Variants in CNTN6 observed in about 807,000 individuals in gnomAD.
The protein encoded by CNTN6 is contactin-6.
A neutral mutation model predicts 122.8 loss-of-function variants in CNTN6; 137 were observed. That is an observed-to-expected ratio of 1.12 (90% CI 0.97 to 1.29). The LOEUF (loss-of-function observed/expected upper bound fraction) is 1.29, where lower values mean the gene tolerates loss of function less well. Ranked by LOEUF, CNTN6 falls within the 50% of genes most tolerant of loss-of-function variation. CNTN6 has a pLI of 0.00. For missense variants in CNTN6, 1,634 were observed against 1,223.4 expected, an observed-to-expected ratio of 1.34 and a Z score of -5.01; for synonymous variants, 570 against 426.0, an observed-to-expected ratio of 1.34 and a Z score of -4.16.
chr3:1,243,083 C>T (rs1458590081), intron 4 of CNTN6, among the ~76,000 whole-genome samples: 2 of 152,184 alleles, frequency 1.3e-5, no homozygotes, highest in Non-Finnish European at 2.9e-5. Flanking sequence ...AGCTGCTAAG[C>T]CGAGAAGATC....
intron 8 of CNTN6, among the ~76,000 whole-genome samples, chr3:1,324,164 G>C (rs1347825833): frequency 4.0e-5 from 6 of 149,470 alleles, no homozygotes; most frequent in Non-Finnish European, 7.4e-5. Flanking sequence ...GTAACTGGAA[G>C]TTGTCCTGAT....
Position 1,385,715 on chromosome 3 carries a change from C to CT in CNTN6, c.2623dup (p.Tyr875LeufsTer44). ...TCACGGGGCTGAAAGCTAATACCAT[C>CT]TACTTTGCTTCCGTAAGAGCTTACA... On this transcript the variant is annotated frameshift_variant, in exon 20 of 23. Coordinates refer to ENST00000446702, the MANE Select transcript of CNTN6 (RefSeq NM_001289080.2). LOFTEE classifies it high-confidence loss of function. 6.2e-7 allele frequency: 1 copy of CT among 1,614,114 alleles called. No homozygotes were observed. The highest frequency in any genetic ancestry group is 8.5e-7 in the Non-Finnish European group (1 of 1,179,948).
intron 20 of CNTN6, among the ~76,000 whole-genome samples, chr3:1,395,330 G>A (rs1694853170): frequency 6.6e-6 from 1 of 152,100 alleles, no homozygotes; most frequent in African/African-American, 2.4e-5. Context: ...AGTTAGACAG[G>A]GGTTTCACTG....
At chr3:1,373,846 A>G (rs1287523490) in intron 15 of CNTN6, 78 bp from the exon 16 acceptor site, 1 of 1,456,768 alleles carries the variant, frequency 6.9e-7, no homozygotes, top group Non-Finnish European at 9.1e-7. Flanking sequence ...ATTTTAAATT[A>G]ATAATTATAT....
intron 5 of CNTN6, among the ~76,000 whole-genome samples, chr3:1,292,284 G>A (rs1257068617): frequency 6.6e-6 from 1 of 152,086 alleles, no homozygotes; most frequent in Non-Finnish European, 1.5e-5. Flanking sequence ...TAAACAGACA[G>A]CTGTAATATG....
intron 4 of CNTN6, among the ~76,000 whole-genome samples, chr3:1,254,955 G>A (rs915541457): frequency 2.0e-5 from 3 of 152,028 alleles, no homozygotes; most frequent in Non-Finnish European, 4.4e-5. Context: ...TACATTGGTG[G>A]TCACATATGC....
rs772184163 is a variant in CNTN6, at chr3:1,352,309, G to A, written c.1365-15G>A. 1.3e-6 allele frequency: 2 copies of A among 1,496,292 alleles called. No homozygotes were observed. Among genetic ancestry groups the A allele is most frequent in the Non-Finnish European group, 1.8e-6 (2 of 1,115,846 alleles). The allele number at this position is 1,496,292 out of a possible 1,614,324, so 92.7% of individuals were successfully genotyped here. ...GAAGAGCCTTACTTCTATTAATGAT[G>A]TATTTTCTTTTTAGAATATTTCTCT... On this transcript the variant is annotated splice_polypyrimidine_tract_variant and intron_variant, in intron 11 of 22. Transcript: ENST00000446702.
At chr3:1,368,407 G>C (rs1708530803) in intron 12 of CNTN6, among the ~76,000 whole-genome samples, 1 of 152,136 alleles carries the variant, frequency 6.6e-6, no homozygotes, top group Non-Finnish European at 1.5e-5. Context: ...ATCAGCTCTA[G>C]ATATTTCAAC....
chr3:1,374,528 C>G (rs1439484723), intron 16 of CNTN6, among the ~76,000 whole-genome samples: 2 of 152,010 alleles, frequency 1.3e-5, no homozygotes, highest in African/African-American at 2.4e-5. Context: ...TTTTTCCATG[C>G]AAATGAGGTA....
intron 4 of CNTN6, among the ~76,000 whole-genome samples, chr3:1,250,137 TTA>T (rs2094640856): frequency 6.6e-6 from 1 of 152,190 alleles, no homozygotes; most frequent in South Asian, 2.1e-4. Flanking sequence ...TAATAAAAGC[TTA>T]TATGTGTCCA....
intron 4 of CNTN6, among the ~76,000 whole-genome samples, chr3:1,246,357 A>T (rs1033227665): frequency 6.6e-6 from 1 of 152,092 alleles, no homozygotes; most frequent in African/African-American, 2.4e-5. Context: ...AGATCCTTTT[A>T]TATTGTTGTA....
intron 8 of CNTN6, among the ~76,000 whole-genome samples, chr3:1,323,811 A>T (rs947570080): frequency 6.6e-6 from 1 of 151,794 alleles, no homozygotes; most frequent in Non-Finnish European, 1.5e-5. Context: ...CTCTTCTCCC[A>T]TGAATTTCCT....
intron 1 of CNTN6, among the ~76,000 whole-genome samples, chr3:1,142,460 G>A (rs557367756): frequency 1.3e-5 from 2 of 152,186 alleles, no homozygotes; most frequent in East Asian, 3.9e-4. Context: ...TACATAGATG[G>A]TATTCTTGTT....
At chr3:1,371,525 C>G in intron 12 of CNTN6, among the ~76,000 whole-genome samples, 1 of 152,074 alleles carries the variant, frequency 6.6e-6, no homozygotes. Flanking sequence ...TTATTATAAA[C>G]GAAGTAGTCA....
chr3:1,312,748 G>A (rs145248503), intron 7 of CNTN6, among the ~76,000 whole-genome samples: 171 of 151,880 alleles, frequency 1.1e-3, no homozygotes, highest in African/African-American at 3.8e-3. Context: ...AATTCATGCA[G>A]GGGGAGCAAA....
At chr3:1,108,315 G>T (rs891809459) in intron 1 of CNTN6, among the ~76,000 whole-genome samples, 12 of 152,098 alleles carry the variant, frequency 7.9e-5, no homozygotes, top group Admixed American at 7.9e-4. Context: ...ATATCTTGGG[G>T]ATTGGGACCC....
intron 19 of CNTN6, among the ~76,000 whole-genome samples, chr3:1,384,156 C>A (rs1030879519): frequency 3.3e-5 from 5 of 152,308 alleles, no homozygotes; most frequent in African/African-American, 9.6e-5. Flanking sequence ...ACTGTGCACA[C>A]AGAGTCAACA....
chr3:1,289,824 A>G (rs144651854), intron 5 of CNTN6, among the ~76,000 whole-genome samples: 15,455 of 151,854 alleles, frequency 0.1, 2,676 homozygotes, highest in African/African-American at 0.35. Context: ...ACAGGTGCCC[A>G]ACACCACGCC....
intron 4 of CNTN6, among the ~76,000 whole-genome samples, chr3:1,254,421 G>A (rs1188282655): frequency 6.6e-6 from 1 of 152,126 alleles, no homozygotes. Flanking sequence ...AATGAAAGAA[G>A]TTTACTTCGT....
Sources: gnomAD v4.1 joint callset for allele counts (sites outside exome capture counted in the v4.1 genomes callset) on GRCh38, gnomAD v4.1.1 for gene constraint, MANE v1.5 for transcripts, NCBI Gene and HGNC (gene_info 2026-07-23, HGNC 2026-07-21) for gene names.